LUZP2: variants seen among roughly 807,000 people sequenced by gnomAD.
The protein encoded by LUZP2 is leucine zipper protein 2.
LUZP2 carries 52 observed loss-of-function variants against 51.6 expected under a neutral mutation model. The observed-to-expected ratio is 1.01, with a 90% CI of 0.81 to 1.27. The LOEUF (loss-of-function observed/expected upper bound fraction) is 1.27. Among genes scored for constraint, LUZP2 ranks in the 50% most tolerant of loss-of-function variants. The probability of loss-of-function intolerance (pLI) is 0.00; values close to 1 mark genes in which losing one functional copy is unlikely to be tolerated. For synonymous variants in LUZP2, 154 were observed against 137.3 expected, an observed-to-expected ratio of 1.12 and a Z score of -0.85; for missense variants, 436 against 395.4, an observed-to-expected ratio of 1.10 and a Z score of -0.87.
intron 7 of LUZP2, among the ~76,000 whole-genome samples, chr11:24,941,152 T>G (rs1184195257): frequency 1.2e-4 from 19 of 152,166 alleles, no homozygotes; most frequent in Admixed American, 1.2e-3. Flanking sequence ...AAAGTGTGGA[T>G]GAAGGTGCTA....
chr11:25,082,495 C>T lies in LUZP2; in HGVS notation c.*3837C>T, dbSNP rs1355984728. On this transcript the variant is annotated 3_prime_UTR_variant, in exon 12 of 12. Transcript: ENST00000336930. ...AAACACATACTGTTTACTTAGGAGA[C>T]ATTTTCTTAGTCGTGTGTATAGTCC... The T allele has an allele frequency of 1.3e-5, 2 of 152,340 alleles. No homozygotes were observed. The highest frequency in any genetic ancestry group is 2.9e-5 in the Non-Finnish European group (2 of 67,996). The allele number at this position is 152,340 out of a possible 1,614,324, so 9.4% of individuals were successfully genotyped here.
chr11:24,500,038 C>T (rs1202830980), intron 1 of LUZP2, among the ~76,000 whole-genome samples: 1 of 152,162 alleles, frequency 6.6e-6, no homozygotes, highest in Non-Finnish European at 1.5e-5. Context: ...GAATAGCTTT[C>T]TCTTTTTGCT....
At position 25,080,608 on chromosome 11, in the gene LUZP2, C is replaced by T. The variant is rs1382052894; in HGVS notation, c.*1950C>T. 6.6e-6 allele frequency: 1 copy of T among 152,106 alleles called. No homozygotes were observed. Among genetic ancestry groups the T allele is most frequent in the East Asian group, 1.9e-4 (1 of 5,184 alleles). 9.4% of individuals were successfully genotyped at this position (152,106 alleles called of 1,614,324 possible). On this transcript the variant is annotated 3_prime_UTR_variant, in exon 12 of 12. Transcript: ENST00000336930. ...ATATTTCTAAAAATAATCATACAAA[C>T]TAGAATACTGCTAGTCTCCCAAGTC...
intron 1 of LUZP2, among the ~76,000 whole-genome samples, chr11:24,723,941 C>T (rs780932516): frequency 3.3e-5 from 5 of 152,078 alleles, no homozygotes; most frequent in Non-Finnish European, 5.9e-5. Flanking sequence ...AAGCAAAAGA[C>T]ATTTGATGTA....
chr11:24,615,153 G>T (rs1184804022), intron 1 of LUZP2, among the ~76,000 whole-genome samples: 1 of 151,582 alleles, frequency 6.6e-6, no homozygotes, highest in Admixed American at 6.6e-5. Flanking sequence ...GTAATACAGA[G>T]AAATTCCATG....
chr11:24,836,295 T>G (rs1850858074), intron 5 of LUZP2, among the ~76,000 whole-genome samples: 1 of 151,230 alleles, frequency 6.6e-6, no homozygotes, highest in African/African-American at 2.5e-5. Flanking sequence ...TCATCACTGT[T>G]TTTAATATTA....
chr11:24,687,508 G>C lies in LUZP2; in HGVS notation c.63-41661G>C, dbSNP rs537204470. ...TCCGTTTTACACACTAAGGTTTAGA[G>C]AGGTTGTATAACTTGTCCTAGGTCA... On this transcript the variant is annotated intron_variant, in intron 1 of 11. Coordinates refer to ENST00000336930, the MANE Select transcript of LUZP2 (RefSeq NM_001009909.4). Among the ~76,000 whole-genome samples the C allele has an allele frequency of 3.1e-4, 47 of 152,300 alleles. No individual in the cohort carries two copies. In the South Asian group the frequency reaches 9.5e-3, roughly 31 times the overall value.
chr11:24,707,464 G>T (rs1303262236), intron 1 of LUZP2, among the ~76,000 whole-genome samples: 1 of 152,080 alleles, frequency 6.6e-6, no homozygotes, highest in Non-Finnish European at 1.5e-5. Flanking sequence ...AAATTAGGGG[G>T]TATTAATGTA....
intron 1 of LUZP2, among the ~76,000 whole-genome samples, chr11:24,582,607 C>A (rs1452240397): frequency 6.6e-6 from 1 of 151,840 alleles, no homozygotes; most frequent in Non-Finnish European, 1.5e-5. Flanking sequence ...AAATATTTCC[C>A]CCTGCCCTCA....
intron 10 of LUZP2, among the ~76,000 whole-genome samples, chr11:25,050,640 CA>C (rs1858479915): frequency 6.6e-6 from 1 of 152,008 alleles, no homozygotes; most frequent in African/African-American, 2.4e-5. Context: ...GTAAGTGTTC[CA>C]TTAAGCATTG....
intron 10 of LUZP2, among the ~76,000 whole-genome samples, chr11:25,057,410 A>T (rs944269175): frequency 6.6e-6 from 1 of 152,048 alleles, no homozygotes; most frequent in Non-Finnish European, 1.5e-5. Flanking sequence ...GGATCACTAA[A>T]TTCTTAGCAG....
At chr11:24,686,182 G>A (rs1189121858) in intron 1 of LUZP2, among the ~76,000 whole-genome samples, 1 of 150,512 alleles carries the variant, frequency 6.6e-6, no homozygotes, top group Non-Finnish European at 1.5e-5. Context: ...GGCATTTGTA[G>A]TCATGCTTTT....
At chr11:24,713,582 G>A (rs1336156480) in intron 1 of LUZP2, among the ~76,000 whole-genome samples, 1 of 151,296 alleles carries the variant, frequency 6.6e-6, no homozygotes, top group Non-Finnish European at 1.5e-5. Flanking sequence ...GGCTCACCCT[G>A]CAATCCCAGC....
At chr11:24,533,895 C>T (rs978306349) in intron 1 of LUZP2, among the ~76,000 whole-genome samples, 3 of 151,164 alleles carry the variant, frequency 2.0e-5, no homozygotes, top group Non-Finnish European at 3.0e-5. Context: ...TCTGTGCTCC[C>T]TTCTCTATCT....
At chr11:25,015,743 G>A (rs751171835) in intron 9 of LUZP2, among the ~76,000 whole-genome samples, 1 of 151,820 alleles carries the variant, frequency 6.6e-6, no homozygotes, top group Non-Finnish European at 1.5e-5. Context: ...CTTATCTCTT[G>A]GTTAAAATAG....
intron 1 of LUZP2, among the ~76,000 whole-genome samples, chr11:24,699,889 A>C (rs1443238756): frequency 2.6e-5 from 4 of 151,368 alleles, no homozygotes; most frequent in Non-Finnish European, 5.9e-5. Flanking sequence ...AAGGAATTAT[A>C]ATATACAGAG....
chr11:24,755,741 AC>A (rs1859748668), intron 4 of LUZP2, among the ~76,000 whole-genome samples: 1 of 152,312 alleles, frequency 6.6e-6, no homozygotes, highest in South Asian at 2.1e-4. Context: ...CTTAAGACTG[AC>A]AAAACAGACT....
chr11:24,610,936 C>T (rs1375942282), intron 1 of LUZP2, among the ~76,000 whole-genome samples: 1 of 152,150 alleles, frequency 6.6e-6, no homozygotes, highest in African/African-American at 2.4e-5. Flanking sequence ...GGAAGAATAA[C>T]TTTTAATGAT....
At chr11:25,002,769 C>T (rs973729505) in intron 9 of LUZP2, among the ~76,000 whole-genome samples, 3 of 152,118 alleles carry the variant, frequency 2.0e-5, no homozygotes, top group African/African-American at 4.8e-5. Flanking sequence ...AAGTTTTGTC[C>T]TGTGGGAAGG....
Sources: gnomAD v4.1 joint callset for allele counts (sites outside exome capture counted in the v4.1 genomes callset) on GRCh38, gnomAD v4.1.1 for gene constraint, MANE v1.5 for transcripts, NCBI Gene and HGNC (gene_info 2026-07-23, HGNC 2026-07-21) for gene names.